The following PLD5 variants were observed in gnomAD, a reference collection of about 807,000 sequenced individuals.
The protein encoded by PLD5 is phospholipase D family member 5, also known as inactive phospholipase D5.
Under a neutral mutation model 61.1 loss-of-function variants are expected in PLD5, and 36 were observed. The ratio of observed to expected loss-of-function variants is 0.59; its 90% CI spans 0.45 to 0.78. The LOEUF (loss-of-function observed/expected upper bound fraction) is 0.78, where lower values mean the gene tolerates loss of function less well. PLD5 is among the 30% of genes least tolerant of loss of function. The probability of loss-of-function intolerance (pLI) is 0.00; values close to 1 mark genes in which losing one functional copy is unlikely to be tolerated. For missense variants in PLD5, 515 were observed against 644.4 expected (o/e 0.80, Z 2.17); for synonymous variants, 243 against 242.8 (o/e 1.00, Z -0.01).
In PLD5 at chr1:242,449,069, T is replaced by C. The variant is rs952831932; in HGVS notation, c.189+75019A>G. On this transcript the variant is annotated intron_variant, in intron 1 of 9. Coordinates refer to ENST00000536534, the MANE Select transcript of PLD5 (RefSeq NM_001372062.1). ...ACTTCAGAGAATGCATTAATCGGGG[T>C]TTACATCTGAGGTCACCGTAGGACT... 3.3e-5 allele frequency among the ~76,000 whole-genome samples: 5 copies of C among 152,150 alleles called. No homozygotes were observed. Among genetic ancestry groups the C allele is most frequent in the African/African-American group, 4.8e-5 (2 of 41,426 alleles).
intron 4 of PLD5, among the ~76,000 whole-genome samples, chr1:242,230,600 T>A (rs1293099201): frequency 6.6e-6 from 1 of 152,172 alleles, no homozygotes; most frequent in Non-Finnish European, 1.5e-5. Context: ...GCTAGAAGAC[T>A]AACGGGGAAA....
intron 2 of PLD5, among the ~76,000 whole-genome samples, chr1:242,330,831 G>T (rs1467973201): frequency 6.6e-6 from 1 of 152,118 alleles, no homozygotes; most frequent in Non-Finnish European, 1.5e-5. Context: ...AGAGGAAAAA[G>T]GGATTTTGGA....
intron 5 of PLD5, among the ~76,000 whole-genome samples, chr1:242,193,045 G>C (rs953954810): frequency 1.3e-5 from 2 of 152,124 alleles, no homozygotes; most frequent in Non-Finnish European, 2.9e-5. Flanking sequence ...AACCACTGCA[G>C]TTGAAATTGA....
chr1:242,366,888 CTGG>C (rs1372235907), intron 1 of PLD5, among the ~76,000 whole-genome samples: 5 of 151,790 alleles, frequency 3.3e-5, no homozygotes, highest in Non-Finnish European at 5.9e-5. Context: ...TTTTACAACC[CTGG>C]TTATTTTTAT....
intron 1 of PLD5, among the ~76,000 whole-genome samples, chr1:242,480,947 T>A (rs1253613630): frequency 6.6e-6 from 1 of 151,820 alleles, no homozygotes; most frequent in Non-Finnish European, 1.5e-5. Context: ...TCTGGTAGGG[T>A]TTTTTTAATT....
chr1:242,399,619 AG>A (rs72082007), intron 1 of PLD5, among the ~76,000 whole-genome samples: 3,048 of 151,432 alleles, frequency 0.02, 111 homozygotes, highest in East Asian at 0.11. Context: ...GGGCCTTGGG[AG>A]GGAGAGAAAC....
chr1:242,233,724 C>A (rs426314), intron 4 of PLD5, among the ~76,000 whole-genome samples: 128,091 of 152,072 alleles, frequency 0.84, 54,427 homozygotes, highest in African/African-American at 0.95. Flanking sequence ...GGGTCCAATA[C>A]ACATGAAAAA....
chr1:242,473,701 C>A (rs2102952361), intron 1 of PLD5, among the ~76,000 whole-genome samples: 1 of 152,148 alleles, frequency 6.6e-6, no homozygotes, highest in Admixed American at 6.5e-5. Context: ...AGTAGGATAC[C>A]AGCAAGAATG....
chr1:242,187,772 G>A (rs933932443), intron 5 of PLD5, among the ~76,000 whole-genome samples: 1 of 152,206 alleles, frequency 6.6e-6, no homozygotes, highest in African/African-American at 2.4e-5. Flanking sequence ...GGCAGTATGA[G>A]AGGGGAAAGA....
rs1413077790 is a variant in PLD5, at chr1:242,084,902, A to T, written c.*4952T>A. ...TTACCACAGTACAGCTTGGTTACTG[A>T]TGAGAGACTGATTTGTTTCTGAGAT... On this transcript the variant is annotated 3_prime_UTR_variant, in exon 10 of 10. Transcript: ENST00000536534. The T allele has an allele frequency of 6.6e-6, 1 of 151,840 alleles. No individual in the cohort carries two copies. Among genetic ancestry groups the T allele is most frequent in the African/African-American group, 2.4e-5 (1 of 41,334 alleles). The allele number at this position is 151,840 out of a possible 1,614,324, so 9.4% of individuals were successfully genotyped here.
At chr1:242,134,600 G>A (rs1044296465) in intron 5 of PLD5, among the ~76,000 whole-genome samples, 4 of 152,100 alleles carry the variant, frequency 2.6e-5, no homozygotes, top group African/African-American at 7.2e-5. Context: ...CTGTAAAAAT[G>A]TTCAGAAAAG....
At chr1:242,492,656 G>A (rs1668203354) in intron 1 of PLD5, among the ~76,000 whole-genome samples, 1 of 152,094 alleles carries the variant, frequency 6.6e-6, no homozygotes, top group South Asian at 2.1e-4. Flanking sequence ...CTTAGTCCAG[G>A]CTGCGATAAC....
Position 242,524,161 on chromosome 1 carries a change from T to A in PLD5, c.116A>T (p.Asn39Ile), listed in dbSNP as rs934374056. 7 of 1,535,398 alleles carry A rather than the reference T, an allele frequency of 4.6e-6. No individual in the cohort carries two copies. In the African/African-American group the frequency reaches 8.2e-5, roughly 18 times the overall value. Residue 39 changes from asparagine (N) to isoleucine (I), a missense_variant, in exon 1 of 10, where the codon AAC (asparagine) becomes ATC (isoleucine). Asn to Ile is a moderately radical substitution (Grantham distance 149). Around this residue, in one of 2 missense-constraint regions of PLD5, gnomAD observed 450 missense variants for 598.1 expected, o/e 0.75. Coordinates refer to ENST00000536534, the MANE Select transcript of PLD5 (RefSeq NM_001372062.1). ...CTGCTGCTTGACGCTGCTGTAGAAG[T>A]TCGCGCCCACTCGGGTCAGGCTTGG... is the stretch of plus-strand genomic sequence containing the variant. ...PSPSLTRVGA[N>I]FYSSVKQQDY...
intron 5 of PLD5, among the ~76,000 whole-genome samples, chr1:242,169,920 G>A (rs1298280368): frequency 6.6e-6 from 1 of 152,196 alleles, no homozygotes; most frequent in Non-Finnish European, 1.5e-5. Context: ...TGAAAAAAAG[G>A]CAGCAGCCCC....
chr1:242,246,998 T>C (rs1672412826), intron 4 of PLD5, among the ~76,000 whole-genome samples: 1 of 88,352 alleles, frequency 1.1e-5, no homozygotes, highest in Admixed American at 1.3e-4. Context: ...TTTTTTTTTT[T>C]TTTGAGACGG....
chr1:242,132,203 G>C (rs1663341002), intron 5 of PLD5, among the ~76,000 whole-genome samples: 1 of 98,084 alleles, frequency 1.0e-5, no homozygotes, highest in Non-Finnish European at 2.3e-5. Context: ...GGGGGGGGGG[G>C]GGGGCGGAAT....
intron 2 of PLD5, among the ~76,000 whole-genome samples, chr1:242,336,643 T>G (rs1462888410): frequency 6.6e-6 from 1 of 152,120 alleles, no homozygotes; most frequent in Admixed American, 6.5e-5. Flanking sequence ...TATAAGAAAG[T>G]GTTAGCAGTG....
In PLD5 at chr1:242,087,205, C is replaced by T. The variant is rs966149685; in HGVS notation, c.*2649G>A. 3.3e-5 allele frequency: 5 copies of T among 152,186 alleles called. No individual in the cohort carries two copies. The highest frequency in any genetic ancestry group is 2.0e-4 in the Admixed American group (3 of 15,268). The allele number at this position is 152,186 out of a possible 1,614,324, so 9.4% of individuals were successfully genotyped here. ...ACAGTGTGGCCCCATGGAGTCACCA[C>T]CGCTGCCCAGACTCCCCTGATTAGG... On this transcript the variant is annotated 3_prime_UTR_variant, in exon 10 of 10. Coordinates refer to ENST00000536534, the MANE Select transcript of PLD5 (RefSeq NM_001372062.1).
At chr1:242,255,059 G>A (rs1441431401) in intron 4 of PLD5, among the ~76,000 whole-genome samples, 1 of 152,014 alleles carries the variant, frequency 6.6e-6, no homozygotes, top group African/African-American at 2.4e-5. Flanking sequence ...AGCATGCCGG[G>A]GTGACCGTTG....
Sources: gnomAD v4.1 joint callset for allele counts (sites outside exome capture counted in the v4.1 genomes callset) on GRCh38, gnomAD v4.1.1 for gene constraint, gnomAD v4.1.1 regional missense constraint, MANE v1.5 for transcripts, NCBI Gene and HGNC (gene_info 2026-07-23, HGNC 2026-07-21) for gene names.